Variants in ACACB observed in about 807,000 individuals in gnomAD.
ACACB encodes acetyl-CoA carboxylase beta, also known as acetyl-CoA carboxylase 2.
ACACB carries 209 observed loss-of-function variants against 278.8 expected under a neutral mutation model. The observed-to-expected ratio is 0.75, with a 90% CI of 0.67 to 0.84. The LOEUF (loss-of-function observed/expected upper bound fraction) is 0.84, where lower values mean the gene tolerates loss of function less well. ACACB is among the 40% of genes least tolerant of loss of function. ACACB has a pLI of 0.00. For missense variants in ACACB, 2,850 were observed against 3,269.0 expected (o/e 0.87, Z 3.13); for synonymous variants, 1,174 against 1,285.6 (o/e 0.91, Z 1.86).
chr12:109,213,932 A>T (rs528623177), intron 22 of ACACB, among the ~76,000 whole-genome samples: 2 of 152,082 alleles, frequency 1.3e-5, no homozygotes, highest in South Asian at 4.2e-4. Flanking sequence ...TTTCATGAAA[A>T]ATCCACCTAG....
intron 9 of ACACB, among the ~76,000 whole-genome samples, chr12:109,177,090 A>G (rs2044305900): frequency 6.6e-6 from 1 of 152,148 alleles, no homozygotes; most frequent in Non-Finnish European, 1.5e-5. Context: ...CCTTCTTCAT[A>G]TGTATATTTT....
intron 34 of ACACB, among the ~76,000 whole-genome samples, chr12:109,239,442 A>G (rs1441213857): frequency 2.0e-5 from 3 of 152,172 alleles, no homozygotes; most frequent in Non-Finnish European, 2.9e-5. Flanking sequence ...CTGGAGAAGA[A>G]AAAAGTGAGG....
At chr12:109,152,596 C>A (rs2043402994) in intron 2 of ACACB, among the ~76,000 whole-genome samples, 1 of 149,994 alleles carries the variant, frequency 6.7e-6, no homozygotes, top group Non-Finnish European at 1.5e-5. Flanking sequence ...TACTTGGCAC[C>A]CCCGGGAAGT....
At position 109,210,199 on chromosome 12, in the gene ACACB, GTATA is replaced by G. The variant is rs1162833610; in HGVS notation, c.3249+850_3249+853del. On this transcript the variant is annotated intron_variant, in intron 21 of 52. Coordinates refer to ENST00000338432, the MANE Select transcript of ACACB (RefSeq NM_001093.4). The stretch of plus-strand genomic sequence containing the variant: ...TGTATATATACACACGTGTGTATAT[GTATA>G]TATGTATATATACACACATGTGTGT... Among the ~76,000 whole-genome samples the G allele has an allele frequency of 7.4e-5, 3 of 40,522 alleles. 1 individual carries two copies. Among genetic ancestry groups the G allele is most frequent in the African/African-American group, 4.1e-4 (3 of 7,300 alleles). The allele number at this position is 40,522 out of a possible 152,430, so 26.6% of individuals were successfully genotyped here. A position where few individuals can be genotyped will look rare whatever the true frequency, so the allele number is the denominator to read the frequency against.
chr12:109,118,363 A>C (rs2042458109), intron 1 of ACACB, among the ~76,000 whole-genome samples: 1 of 152,034 alleles, frequency 6.6e-6, no homozygotes, highest in Non-Finnish European at 1.5e-5. Context: ...AATCTTTTGA[A>C]ATGGAGGTTT....
intron 24 of ACACB, among the ~76,000 whole-genome samples, chr12:109,219,668 T>A (rs1297283070): frequency 6.6e-6 from 1 of 152,210 alleles, no homozygotes; most frequent in African/African-American, 2.4e-5. Context: ...AGAGAGAGTG[T>A]GTATGTGTAT....
At chr12:109,222,649 T>C in intron 25 of ACACB, 29 bp downstream of exon 25, 6 of 1,590,028 alleles carry the variant, frequency 3.8e-6, no homozygotes, top group Non-Finnish European at 5.2e-6. Flanking sequence ...GTCCCCACGA[T>C]GTGCGTTTCC....
chr12:109,206,874 C>T lies in ACACB; in HGVS notation c.3060+18C>T, dbSNP rs758913333. The T allele has an allele frequency of 8.7e-6, 14 of 1,614,060 alleles. No homozygotes were observed. In the Admixed American group the frequency reaches 1.3e-4, roughly 15 times the overall value. On this transcript the variant is annotated intron_variant, in intron 20 of 52. Transcript: ENST00000338432. Reference sequence around the variant, plus strand: ...GCATAAAGGTAAAGTCACCTATGAGCGCAGGCGTGTAGACCAGTGCGGAGG... The same window carrying T: ...GCATAAAGGTAAAGTCACCTATGAGTGCAGGCGTGTAGACCAGTGCGGAGG...
intron 16 of ACACB, among the ~76,000 whole-genome samples, chr12:109,194,550 T>TGTGTG (rs1565908130): frequency 7.4e-5 from 1 of 13,448 alleles, no homozygotes; most frequent in Non-Finnish European, 2.1e-4. Flanking sequence ...GTGTGTGTGT[T>TGTGTG]TACATTGGCC....
chr12:109,193,304 G>A (rs944828273), intron 15 of ACACB, among the ~76,000 whole-genome samples: 9 of 146,900 alleles, frequency 6.1e-5, no homozygotes, highest in African/African-American at 1.5e-4. Context: ...TGCAACCTCC[G>A]CCTCCTGCAT....
At position 109,222,828 on chromosome 12, in the gene ACACB, C is replaced by T. The variant is rs753293532; in HGVS notation, c.3708C>T (p.Tyr1236=). Reference sequence around the variant, plus strand: ...TGATTGCCTCCCACCTCCCCTCCTACGAGCTGCGGCATAACCAGGTGGAGT... The same window carrying T: ...TGATTGCCTCCCACCTCCCCTCCTATGAGCTGCGGCATAACCAGGTGGAGT... ...QILIASHLPS[Y]ELRHNQVESI... is the part of the protein sequence containing the mutation. The change falls in exon 26 of 53, where the codon TAC becomes TAT. Residue 1236 remains tyrosine, a synonymous_variant. Coordinates refer to ENST00000338432, the MANE Select transcript of ACACB (RefSeq NM_001093.4). 11 of 1,613,772 alleles carry T rather than the reference C, an allele frequency of 6.8e-6. No homozygotes were observed. The Admixed American group carries it at 8.3e-5, about 12-fold the overall frequency.
chr12:109,206,936 T>C (rs953046697), intron 20 of ACACB, 80 bp downstream of exon 20: 12 of 1,498,116 alleles, frequency 8.0e-6, no homozygotes, highest in South Asian at 1.2e-5. Flanking sequence ...GAGGTCATTA[T>C]TGAGTAAGAA....
Position 109,235,193 on chromosome 12 carries a change from G to A in ACACB, c.4348-120G>A, listed in dbSNP as rs1247629137. ...AATCAGATCACAGGAGGTCTCTTATGATTGACATCTTCCACTTAGCATAAT... is the reference window on the plus strand; with the variant it reads ...AATCAGATCACAGGAGGTCTCTTATAATTGACATCTTCCACTTAGCATAAT... On this transcript the variant is annotated intron_variant, in intron 31 of 52. Coordinates refer to ENST00000338432, the MANE Select transcript of ACACB (RefSeq NM_001093.4). The A allele has an allele frequency of 1.2e-5, 10 of 827,802 alleles. No individual in the cohort carries two copies. The East Asian group carries it at 2.0e-4, about 17-fold the overall frequency. The allele number at this position is 827,802 out of a possible 1,614,324, so 51.3% of individuals were successfully genotyped here.
At position 109,223,607 on chromosome 12, in the gene ACACB, C is replaced by CA. The variant is rs886640682; in HGVS notation, c.3793-200dup. ...CCTGTCTCTACAAAAAATAGACACA[C>CA]AAAAAAAAGAGCCACGATGTTGGCG... On this transcript the variant is annotated intron_variant, in intron 26 of 52. Coordinates refer to ENST00000338432, the MANE Select transcript of ACACB (RefSeq NM_001093.4). 3.3e-5 allele frequency among the ~76,000 whole-genome samples: 5 copies of CA among 151,832 alleles called. No homozygotes were observed. In the East Asian group the frequency reaches 5.8e-4, roughly 18 times the overall value.
At chr12:109,217,851 C>T (rs868567178) in intron 24 of ACACB, among the ~76,000 whole-genome samples, 2 of 152,166 alleles carry the variant, frequency 1.3e-5, no homozygotes, top group Non-Finnish European at 2.9e-5. Flanking sequence ...GGCAATGAGT[C>T]GGGTTTGTTG....
chr12:109,265,640 G>C, intron 52 of ACACB, 115 bp downstream of exon 52: 1 of 1,349,336 alleles, frequency 7.4e-7, no homozygotes, highest in Non-Finnish European at 1.0e-6. Flanking sequence ...GTGCAGTCTG[G>C]GGTTGTCCCC....
chr12:109,253,471 G>T (rs1048667108), intron 43 of ACACB, among the ~76,000 whole-genome samples: 3 of 152,160 alleles, frequency 2.0e-5, no homozygotes, highest in African/African-American at 7.2e-5. Context: ...TTACAGTCAG[G>T]CTGGATTTGA....
At chr12:109,141,308 T>C (rs1004740707) in intron 2 of ACACB, among the ~76,000 whole-genome samples, 6 of 152,204 alleles carry the variant, frequency 3.9e-5, no homozygotes, top group South Asian at 2.1e-4. Context: ...ATCAATTTGA[T>C]TGTTGGAAAT....
chr12:109,210,133 G>GTGTATATA (rs1406882146), intron 21 of ACACB, among the ~76,000 whole-genome samples: 1 of 57,638 alleles, frequency 1.7e-5, no homozygotes, highest in African/African-American at 5.9e-5. Context: ...ACATGTATGT[G>GTGTATATA]TGTATATATG....
Sources: gnomAD v4.1 joint callset for allele counts (sites outside exome capture counted in the v4.1 genomes callset) on GRCh38, gnomAD v4.1.1 for gene constraint, MANE v1.5 for transcripts, NCBI Gene and HGNC (gene_info 2026-07-23, HGNC 2026-07-21) for gene names.